The following SNX5 variants were observed in gnomAD, a reference collection of about 807,000 sequenced individuals.
The protein encoded by SNX5 is sorting nexin 5, also known as sorting nexin-5.
Under a neutral mutation model 53.9 loss-of-function variants are expected in SNX5, and 31 were observed. The ratio of observed to expected loss-of-function variants is 0.58; its 90% confidence interval spans 0.43 to 0.78. The LOEUF is 0.78. SNX5 is among the 30% of genes least tolerant of loss of function. The probability of loss-of-function intolerance (pLI) is 0.00; values close to 1 mark genes in which losing one functional copy is unlikely to be tolerated. For missense variants in SNX5, 471 were observed against 478.8 expected (o/e 0.98, Z 0.15); for synonymous variants, 168 against 171.1 (o/e 0.98, Z 0.14).
Position 17,942,418 on chromosome 20 carries a change from A to C in SNX5, c.1165-11T>G. On this transcript the variant is annotated splice_polypyrimidine_tract_variant and intron_variant, in intron 12 of 12. Transcript: ENST00000377759. The stretch of plus-strand genomic sequence containing the variant: ...AAGGGAGACATTGTTCTGTGGGGAA[A>C]AAAGGCAAGGCAGACCAGTGAATTA... 1 of 1,607,968 alleles carries C rather than the reference A, an allele frequency of 6.2e-7. No homozygotes were observed. The highest frequency in any genetic ancestry group is 8.5e-7 in the Non-Finnish European group (1 of 1,174,504).
At chr20:17,957,185 CA>C in intron 1 of SNX5, 148 bp from the exon 2 acceptor site, 1 of 632,972 alleles carries the variant, frequency 1.6e-6, no homozygotes, top group South Asian at 1.8e-5. Context: ...CCTGTAATCC[CA>C]GCACTTTGGG....
chr20:17,956,933 C>T lies in SNX5; in HGVS notation c.156G>A (p.Lys52=), dbSNP rs1454807382. ...TGTATTACCACTGCATGTTACTTAC[C>T]TTTGTGTGCACTGTAAATTTGACTT... ...RDKVKFTVHT[K]TTLPTFQSPE... is the part of the protein sequence containing the mutation. Residue 52 remains lysine, a splice_region_variant and synonymous_variant, in exon 2 of 13, where the codon AAG becomes AAA. Coordinates refer to ENST00000377759, the MANE Select transcript of SNX5 (RefSeq NM_014426.4). The T allele has an allele frequency of 5.9e-6, 9 of 1,515,144 alleles. No individual in the cohort carries two copies. Among genetic ancestry groups the T allele is most frequent in the East Asian group, 2.3e-5 (1 of 44,444 alleles). 93.9% of individuals were successfully genotyped at this position (1,515,144 alleles called of 1,614,324 possible). A position where few individuals can be genotyped will look rare whatever the true frequency, so the allele number is the denominator to read the frequency against.
intron 11 of SNX5, among the ~76,000 whole-genome samples, chr20:17,946,425 G>C (rs58053829): frequency 6.6e-6 from 1 of 152,156 alleles, no homozygotes; most frequent in Non-Finnish European, 1.5e-5. Flanking sequence ...TAAAAAAGAC[G>C]GGTTAGGCTG....
At chr20:17,968,062 A>C (rs45484296) in intron 1 of SNX5, 39,609 of 398,530 alleles carry the variant, frequency 0.099, 2,148 homozygotes, top group Non-Finnish European at 0.12. Flanking sequence ...GAAGCCGAGG[A>C]AAGTTTTAAA....
chr20:17,956,831 G>A (rs912406933), intron 2 of SNX5, 102 bp downstream of exon 2: 42 of 714,752 alleles, frequency 5.9e-5, no homozygotes, highest in African/African-American at 2.9e-4. Flanking sequence ...GCTACCCTAC[G>A]AATAGCAACT....
chr20:17,955,658 C>T (rs1193300757), intron 2 of SNX5, among the ~76,000 whole-genome samples, 183 bp from the exon 3 acceptor site: 1 of 152,228 alleles, frequency 6.6e-6, no homozygotes, highest in African/African-American at 2.4e-5. Context: ...TGAACTCTAA[C>T]GATTTCTCCC....
chr20:17,954,389 T>C (rs1464000969), intron 3 of SNX5, among the ~76,000 whole-genome samples: 6 of 152,366 alleles, frequency 3.9e-5, no homozygotes, highest in Admixed American at 6.5e-5. Context: ...ACAGTGTCTA[T>C]ACTGCTTCAG....
chr20:17,956,685 A>AAAAC (rs2035363180), intron 2 of SNX5, among the ~76,000 whole-genome samples: 4 of 73,982 alleles, frequency 5.4e-5, no homozygotes, highest in African/African-American at 1.6e-4. Flanking sequence ...AAAAAAAAAA[A>AAAAC]AAAAAAAAAA....
chr20:17,957,874 A>G (rs911834464), intron 1 of SNX5, among the ~76,000 whole-genome samples: 6 of 152,148 alleles, frequency 3.9e-5, no homozygotes, highest in Admixed American at 3.9e-4. Flanking sequence ...GGCCTTACTT[A>G]ATTAGCACAA....
At chr20:17,959,337 G>A (rs548725427) in intron 1 of SNX5, among the ~76,000 whole-genome samples, 1 of 152,198 alleles carries the variant, frequency 6.6e-6, no homozygotes, top group South Asian at 2.1e-4. Context: ...TAATACCCCC[G>A]ACTATACCTG....
At chr20:17,961,818 G>A (rs919734836) in intron 1 of SNX5, 68 of 985,260 alleles carry the variant, frequency 6.9e-5, no homozygotes, top group African/African-American at 4.4e-4. Flanking sequence ...ACAAATCATC[G>A]ATGATTCTTA....
chr20:17,956,909 G>A (rs762117166), intron 2 of SNX5, 24 bp downstream of exon 2: 14 of 1,147,268 alleles, frequency 1.2e-5, no homozygotes, highest in Non-Finnish European at 1.7e-5. Context: ...AGCACTGTAT[G>A]TATTACCACT....
chr20:17,955,458 A>C lies in SNX5; in HGVS notation c.174T>G (p.Phe58Leu). The C allele has an allele frequency of 6.2e-7, 1 of 1,614,034 alleles. No homozygotes were observed. Among genetic ancestry groups the C allele is most frequent in the Non-Finnish European group, 8.5e-7 (1 of 1,179,886 alleles). The change falls in exon 3 of 13, where the codon TTT becomes TTG. Residue 58 changes from phenylalanine to leucine, a missense_variant. By Grantham distance (22) the Phe-to-Leu change is conservative. Coordinates refer to ENST00000377759, the MANE Select transcript of SNX5 (RefSeq NM_014426.4). ...TTGTAACAGAAAACTCTGGGCTCTGAAACGTGGGCAGTGTGGTCTGTAAAG... is the reference window on the plus strand; with the variant it reads ...TTGTAACAGAAAACTCTGGGCTCTGCAACGTGGGCAGTGTGGTCTGTAAAG... ...TVHTKTTLPT[F>L]QSPEFSVTRQ... is the part of the protein sequence containing the mutation.
intron 4 of SNX5, 147 bp from the exon 5 acceptor site, chr20:17,952,857 T>C: frequency 1.1e-6 from 1 of 923,340 alleles, no homozygotes; most frequent in Non-Finnish European, 1.5e-6. Context: ...AACTGGTGTC[T>C]AGTTAGATAC....
chr20:17,968,409 T>C lies in SNX5; in HGVS notation c.17A>G (p.Glu6Gly). 1 of 1,288,738 alleles carries C rather than the reference T, an allele frequency of 7.8e-7. No homozygotes were observed. The highest frequency in any genetic ancestry group is 9.9e-7 in the Non-Finnish European group (1 of 1,014,970). The allele number at this position is 1,288,738 out of a possible 1,614,324, so 79.8% of individuals were successfully genotyped here. A position where few individuals can be genotyped will look rare whatever the true frequency, so the allele number is the denominator to read the frequency against. ...GTCCTCCTCCTGCTGCTGCAGCAAC[T>C]CGGGAACCGCGGCCATGGCGACGCG... MAAVPELLQQQEEDRS... is the reference protein window; with the variant it reads MAAVPGLLQQQEEDRS... The change falls in exon 1 of 13, where the codon GAG becomes GGG. Residue 6 changes from glutamate (E) to glycine (G), a missense_variant. Physicochemically the swap from Glu to Gly is moderately conservative, Grantham distance 98. Coordinates refer to ENST00000377759, the MANE Select transcript of SNX5 (RefSeq NM_014426.4).
chr20:17,943,238 C>T (rs754598501), intron 11 of SNX5, 43 bp from the exon 12 acceptor site: 1 of 1,295,626 alleles, frequency 7.7e-7, no homozygotes, highest in South Asian at 1.2e-5. Context: ...AAAAACTAAA[C>T]AATTTTCATG....
At position 17,943,146 on chromosome 20, in the gene SNX5, T is replaced by TA; in HGVS notation, c.1127dup (p.Ile377AsnfsTer2). The TA allele has an allele frequency of 1.2e-6, 2 of 1,610,384 alleles. No individual in the cohort carries two copies. Among genetic ancestry groups the TA allele is most frequent in the Non-Finnish European group, 1.7e-6 (2 of 1,176,666 alleles). On this transcript the variant is annotated frameshift_variant, in exon 12 of 13. Coordinates refer to ENST00000377759, the MANE Select transcript of SNX5 (RefSeq NM_014426.4). LOFTEE classifies it high-confidence loss of function. ...TTATTTCCAGTTCAGACATTTCAAT[T>TA]AGATTCTTTCTAAATGCTGCCACTC...
intron 12 of SNX5, chr20:17,942,881 A>C: frequency 2.3e-6 from 1 of 444,312 alleles, no homozygotes; most frequent in Non-Finnish European, 3.9e-6. Context: ...AAAATGGTGA[A>C]ACCCCATCTC....
intron 1 of SNX5, among the ~76,000 whole-genome samples, chr20:17,960,576 G>A (rs7270058): frequency 0.18 from 27,664 of 150,278 alleles, 3,317 homozygotes; most frequent in African/African-American, 0.35. Flanking sequence ...CCTGGGCGAT[G>A]AGAGCGAAAC....
Sources: gnomAD v4.1 joint callset for allele counts (sites outside exome capture counted in the v4.1 genomes callset) on GRCh38, gnomAD v4.1.1 for gene constraint, MANE v1.5 for transcripts, NCBI Gene and HGNC (gene_info 2026-07-23, HGNC 2026-07-21) for gene names.